The following CFTR variants were observed in gnomAD, a reference collection of about 807,000 sequenced individuals.
CFTR encodes cystic fibrosis transmembrane conductance regulator.
CFTR carries 181 observed loss-of-function variants against 171.6 expected under a neutral mutation model. That is an observed-to-expected ratio of 1.05 (90% CI 0.93 to 1.19). The LOEUF is 1.19. Ranked by LOEUF, CFTR falls within the 50% of genes most tolerant of loss-of-function variation. The probability of loss-of-function intolerance (pLI) is 0.00; values close to 1 mark genes in which losing one functional copy is unlikely to be tolerated. For synonymous variants in CFTR, 583 were observed against 608.0 expected (o/e 0.96, Z 0.60); for missense variants, 1,968 against 1,734.7 (o/e 1.13, Z -2.39).
intron 9 of CFTR, among the ~76,000 whole-genome samples, chr7:117,544,234 G>A (rs1161361337): frequency 6.6e-6 from 1 of 151,666 alleles, no homozygotes; most frequent in Non-Finnish European, 1.5e-5. Context: ...TGCTATCTGG[G>A]TAACAGTAGT....
chr7:117,525,975 T>A (rs1377682064), intron 3 of CFTR, among the ~76,000 whole-genome samples: 1 of 148,710 alleles, frequency 6.7e-6, no homozygotes, highest in African/African-American at 2.5e-5. Context: ...TTCTTCCTAG[T>A]CTCGATGGTC....
intron 10 of CFTR, among the ~76,000 whole-genome samples, chr7:117,549,625 C>A (rs1430758195): frequency 6.6e-6 from 1 of 152,110 alleles, no homozygotes; most frequent in Non-Finnish European, 1.5e-5. Context: ...GGCTAAAGGG[C>A]AATAGGTATT....
At chr7:117,538,960 C>T (rs1199245932) in intron 7 of CFTR, among the ~76,000 whole-genome samples, 1 of 152,172 alleles carries the variant, frequency 6.6e-6, no homozygotes, top group African/African-American at 2.4e-5. Context: ...AAAAAAGAGT[C>T]CCTCTTAGTT....
intron 1 of CFTR, among the ~76,000 whole-genome samples, chr7:117,490,325 A>ACG (rs1271937495): frequency 6.7e-6 from 1 of 149,152 alleles, no homozygotes; most frequent in Non-Finnish European, 1.5e-5. Context: ...ACACACACAC[A>ACG]CACACACACA....
At chr7:117,563,094 C>T (rs767733708) in intron 11 of CFTR, among the ~76,000 whole-genome samples, 9 of 151,976 alleles carry the variant, frequency 5.9e-5, no homozygotes, top group South Asian at 2.1e-4. Context: ...TTAAGGTGGA[C>T]GTGATTAGAA....
At chr7:117,501,601 G>T (rs558827014) in intron 1 of CFTR, among the ~76,000 whole-genome samples, 106 of 150,944 alleles carry the variant, frequency 7.0e-4, no homozygotes, top group African/African-American at 2.6e-3. Context: ...TAAAAAAATA[G>T]CCGGGCATGG....
chr7:117,618,519 C>T (rs2116106702), intron 21 of CFTR, among the ~76,000 whole-genome samples: 1 of 151,866 alleles, frequency 6.6e-6, no homozygotes, highest in East Asian at 1.9e-4. Context: ...GAAAATAAAC[C>T]ATCTCTTGAT....
At chr7:117,634,693 T>C (rs759476776) in intron 22 of CFTR, among the ~76,000 whole-genome samples, 1 of 152,114 alleles carries the variant, frequency 6.6e-6, no homozygotes, top group Non-Finnish European at 1.5e-5. Flanking sequence ...TTTCTCTTGA[T>C]ATTTCTCTTT....
chr7:117,584,899 A>G (rs1480316371), intron 11 of CFTR, among the ~76,000 whole-genome samples: 2 of 149,038 alleles, frequency 1.3e-5, no homozygotes, highest in South Asian at 2.1e-4. Context: ...TTGGTTAAGT[A>G]TATTTTCATG....
chr7:117,571,525 G>T (rs1713539635), intron 11 of CFTR, among the ~76,000 whole-genome samples: 1 of 151,960 alleles, frequency 6.6e-6, no homozygotes, highest in Admixed American at 6.6e-5. Context: ...ACTTTTTAAG[G>T]GCCATTTGAG....
chr7:117,519,521 T>A (rs1208038734), intron 3 of CFTR, among the ~76,000 whole-genome samples: 1 of 152,060 alleles, frequency 6.6e-6, no homozygotes, highest in East Asian at 1.9e-4. Context: ...GTTTTCTTTT[T>A]ATTTATTATT....
chr7:117,655,876 A>C (rs1793158502), intron 24 of CFTR, among the ~76,000 whole-genome samples: 4 of 152,140 alleles, frequency 2.6e-5, no homozygotes. Context: ...GTGTTGTTAC[A>C]TGGCAGAAGA....
chr7:117,647,411 T>A (rs1793009466), intron 23 of CFTR: 1 of 152,080 alleles, frequency 6.6e-6, no homozygotes. Flanking sequence ...CTCAGGAAGT[T>A]TTCAATCATG....
intron 3 of CFTR, among the ~76,000 whole-genome samples, chr7:117,515,979 T>C (rs1262282843): frequency 6.6e-6 from 1 of 152,088 alleles, no homozygotes; most frequent in African/African-American, 2.4e-5. Context: ...ACAAAATTCA[T>C]TTCTTGTTCT....
At chr7:117,534,699 T>C (rs1798919510) in intron 5 of CFTR, among the ~76,000 whole-genome samples, 1 of 152,222 alleles carries the variant, frequency 6.6e-6, no homozygotes, top group Admixed American at 6.5e-5. Flanking sequence ...TGGGTTGTCT[T>C]ATGTGAAAAA....
intron 17 of CFTR, among the ~76,000 whole-genome samples, chr7:117,605,379 A>G (rs1264154401): frequency 6.6e-6 from 1 of 152,350 alleles, no homozygotes; most frequent in East Asian, 1.9e-4. Context: ...TATGTATTAA[A>G]TAATTCCTAC....
chr7:117,546,395 C>G (rs568326238), intron 9 of CFTR, among the ~76,000 whole-genome samples: 105 of 151,936 alleles, frequency 6.9e-4, no homozygotes, highest in Non-Finnish European at 1.0e-3. Flanking sequence ...TCGGACACCC[C>G]AAGTGCAGGG....
At position 117,592,600 on chromosome 7, in the gene CFTR, G is replaced by T. The variant is rs778688276; in HGVS notation, c.2433G>T (p.Arg811Ser). ...NLTELDIYSR[R>S]LSQETGLEIS... is the part of the protein sequence containing the mutation. ...CTGAACTGGATATATATTCAAGAAG[G>T]TTATCTCAAGAAACTGGCTTGGAAA... The change falls in exon 14 of 27, where the codon AGG (arginine) becomes AGT (serine). Residue 811 changes from arginine (R) to serine (S), a missense_variant. Arg to Ser is a moderately radical substitution (Grantham distance 110). Coordinates refer to ENST00000003084, the MANE Select transcript of CFTR (RefSeq NM_000492.4). 1 of 1,526,470 alleles carries T rather than the reference G, an allele frequency of 6.6e-7. No homozygotes were observed. Among genetic ancestry groups the T allele is most frequent in the Admixed American group, 2.3e-5 (1 of 43,538 alleles). The allele number at this position is 1,526,470 out of a possible 1,614,324, so 94.6% of individuals were successfully genotyped here.
intron 10 of CFTR, among the ~76,000 whole-genome samples, chr7:117,558,995 A>C (rs1799408672): frequency 6.6e-6 from 1 of 152,228 alleles, no homozygotes; most frequent in African/African-American, 2.4e-5. Flanking sequence ...AGAAAGGCTC[A>C]TGGGAACAAT....
Sources: allele counts gnomAD v4.1 joint callset (sites outside exome capture counted in the v4.1 genomes callset), GRCh38; gene constraint gnomAD v4.1.1; transcripts MANE v1.5; gene names NCBI Gene and HGNC (gene_info 2026-07-23, HGNC 2026-07-21).